The following GRIP1 variants were observed in gnomAD, a reference collection of about 807,000 sequenced individuals.
GRIP1 encodes glutamate receptor interacting protein 1.
A neutral mutation model predicts 129.9 loss-of-function variants in GRIP1; 45 were observed. The ratio of observed to expected loss-of-function variants is 0.35; its 90% CI spans 0.27 to 0.44. GRIP1 has a LOEUF of 0.44. GRIP1 is among the 20% of genes least tolerant of loss of function. The pLI is 1.00. For missense variants in GRIP1, 1,196 were observed against 1,396.8 expected, an observed-to-expected ratio of 0.86 and a Z score of 2.29; for synonymous variants, 530 against 520.8, an observed-to-expected ratio of 1.02 and a Z score of -0.24.
chr12:66,464,302 CT>C (rs1356588469), intron 8 of GRIP1, among the ~76,000 whole-genome samples: 1 of 152,014 alleles, frequency 6.6e-6, no homozygotes, highest in African/African-American at 2.4e-5. Context: ...GAAAGGTAGT[CT>C]TTTTTTATCT....
intron 1 of GRIP1, among the ~76,000 whole-genome samples, chr12:66,765,070 A>G (rs1201237420): frequency 2.6e-5 from 4 of 152,188 alleles, no homozygotes; most frequent in Non-Finnish European, 4.4e-5. Flanking sequence ...TGCAGCTTCA[A>G]CAGAGTGCAG....
chr12:66,515,634 C>A lies in GRIP1; in HGVS notation c.709G>T (p.Asp237Tyr). 2 of 1,613,458 alleles carry A rather than the reference C, an allele frequency of 1.2e-6. No individual in the cohort carries two copies. The highest frequency in any genetic ancestry group is 2.2e-5 in the East Asian group (1 of 44,872). ...CCCAACATACCCATTACTGAGACAT[C>A]ATATTCTATCAGCAGTGCTGCTTCT... ...GQEAALLIEY[D>Y]VSVMDSVATA... The change falls in exon 7 of 25, where the codon GAT (aspartate) becomes TAT (tyrosine). Residue 237 changes from aspartate to tyrosine, a missense_variant. Coordinates refer to ENST00000359742, the MANE Select transcript of GRIP1 (RefSeq NM_001366722.1).
intron 7 of GRIP1, among the ~76,000 whole-genome samples, chr12:66,511,060 C>T (rs113762086): frequency 1.3e-5 from 2 of 152,086 alleles, no homozygotes; most frequent in African/African-American, 4.8e-5. Context: ...CTCACAATTC[C>T]CACGTGTTGT....
intron 1 of GRIP1, among the ~76,000 whole-genome samples, chr12:66,826,185 A>G (rs1419069550): frequency 6.6e-6 from 1 of 152,188 alleles, no homozygotes; most frequent in Non-Finnish European, 1.5e-5. Flanking sequence ...CATCATTCTC[A>G]GCAAACTAAT....
intron 1 of GRIP1, among the ~76,000 whole-genome samples, chr12:66,915,008 A>G (rs1190811657): frequency 6.6e-6 from 1 of 152,182 alleles, no homozygotes; most frequent in East Asian, 1.9e-4. Flanking sequence ...TCTCTATTTT[A>G]TGGACATAAA....
At chr12:66,911,391 C>T (rs1339765982) in intron 1 of GRIP1, among the ~76,000 whole-genome samples, 1 of 152,184 alleles carries the variant, frequency 6.6e-6, no homozygotes, top group Non-Finnish European at 1.5e-5. Context: ...CAGAGTCAGT[C>T]CACTAACCCT....
intron 1 of GRIP1, among the ~76,000 whole-genome samples, chr12:66,712,260 G>A (rs2035735884): frequency 6.6e-6 from 1 of 151,602 alleles, no homozygotes; most frequent in Admixed American, 6.6e-5. Flanking sequence ...GGTACTTTTG[G>A]TCAAAGGTAA....
intron 1 of GRIP1, among the ~76,000 whole-genome samples, chr12:66,773,337 T>C (rs902994209): frequency 6.6e-6 from 1 of 152,196 alleles, no homozygotes; most frequent in East Asian, 1.9e-4. Context: ...TTATAATCCT[T>C]TGGGTATATA....
At chr12:66,733,987 G>C (rs533945567) in intron 1 of GRIP1, among the ~76,000 whole-genome samples, 1 of 152,278 alleles carries the variant, frequency 6.6e-6, no homozygotes, top group South Asian at 2.1e-4. Context: ...TTTCAGGAGA[G>C]AGGTGGTTTT....
intron 16 of GRIP1, among the ~76,000 whole-genome samples, 176 bp downstream of exon 16, chr12:66,406,107 C>T (rs959743992): frequency 6.6e-6 from 1 of 152,138 alleles, no homozygotes; most frequent in African/African-American, 2.4e-5. Context: ...TTTACAAGCA[C>T]CATTATTTAA....
At chr12:66,845,616 T>C (rs192820308) in intron 1 of GRIP1, among the ~76,000 whole-genome samples, 18 of 152,310 alleles carry the variant, frequency 1.2e-4, no homozygotes, top group Non-Finnish European at 1.8e-4. Flanking sequence ...TTCTATGATC[T>C]GGGTACACTG....
chr12:66,950,762 T>TA (rs2041744654), intron 1 of GRIP1, among the ~76,000 whole-genome samples: 1 of 152,214 alleles, frequency 6.6e-6, no homozygotes, highest in Non-Finnish European at 1.5e-5. Context: ...TATTCAATTT[T>TA]ATTACATTTA....
intron 2 of GRIP1, among the ~76,000 whole-genome samples, chr12:66,586,126 T>G (rs551368884): frequency 5.9e-5 from 9 of 152,256 alleles, no homozygotes; most frequent in African/African-American, 2.2e-4. Flanking sequence ...CTGTTTAGAG[T>G]TGTCCACATT....
intron 1 of GRIP1, among the ~76,000 whole-genome samples, chr12:66,774,823 T>A (rs569054166): frequency 1.3e-5 from 2 of 152,334 alleles, no homozygotes; most frequent in East Asian, 3.9e-4. Context: ...AGAATCCTAA[T>A]GACCATAAAC....
chr12:66,772,388 A>C (rs957282337), intron 1 of GRIP1, among the ~76,000 whole-genome samples: 5 of 152,252 alleles, frequency 3.3e-5, no homozygotes, highest in African/African-American at 1.2e-4. Context: ...CAGTGCAGGG[A>C]GCTAAAACCC....
intron 17 of GRIP1, among the ~76,000 whole-genome samples, chr12:66,393,931 A>G (rs1238565978): frequency 1.3e-5 from 2 of 152,208 alleles, no homozygotes; most frequent in African/African-American, 4.8e-5. Context: ...CAAAATGGAC[A>G]CAATACAAAT....
At chr12:66,670,299 G>A (rs1488478650) in intron 1 of GRIP1, among the ~76,000 whole-genome samples, 2 of 152,170 alleles carry the variant, frequency 1.3e-5, no homozygotes, top group African/African-American at 2.4e-5. Flanking sequence ...TTAGCCCTTA[G>A]GTCCCTAAAT....
chr12:66,954,982 G>C (rs906320793), intron 1 of GRIP1, among the ~76,000 whole-genome samples: 1 of 152,168 alleles, frequency 6.6e-6, no homozygotes, highest in Non-Finnish European at 1.5e-5. Context: ...AGTGCCACTT[G>C]AGCAAAGCCC....
chr12:66,385,664 C>T (rs1248617933), intron 19 of GRIP1, among the ~76,000 whole-genome samples: 2 of 152,024 alleles, frequency 1.3e-5, no homozygotes, highest in Admixed American at 1.3e-4. Flanking sequence ...GGCTGGAGTG[C>T]AGCAGCATGA....
Sources: gnomAD v4.1 joint callset for allele counts (sites outside exome capture counted in the v4.1 genomes callset) on GRCh38, gnomAD v4.1.1 for gene constraint, MANE v1.5 for transcripts, NCBI Gene and HGNC (gene_info 2026-07-23, HGNC 2026-07-21) for gene names.